Variants in DNA2 observed in about 807,000 individuals in gnomAD.
The protein encoded by DNA2 is DNA replication ATP-dependent helicase/nuclease DNA2.
DNA2 carries 101 observed loss-of-function variants against 119.1 expected under a neutral mutation model. The ratio of observed to expected loss-of-function variants is 0.85; its 90% CI spans 0.72 to 1.00. The LOEUF is 1.00. DNA2 is among the 50% of genes least tolerant of loss of function. The pLI is 0.00. For synonymous variants in DNA2, 366 were observed against 424.4 expected (o/e 0.86, Z 1.69); for missense variants, 1,121 against 1,255.5 (o/e 0.89, Z 1.62).
intron 14 of DNA2, among the ~76,000 whole-genome samples, chr10:68,427,743 A>C (rs562732213): frequency 1.9e-4 from 29 of 151,914 alleles, no homozygotes; most frequent in African/African-American, 7.0e-4. Flanking sequence ...TAAAATTAAA[A>C]ATAGTATCAG....
At chr10:68,422,917 A>C in intron 14 of DNA2, 27 bp from the exon 15 acceptor site, 2 of 1,462,004 alleles carry the variant, frequency 1.4e-6, no homozygotes, top group East Asian at 4.6e-5. Context: ...CAGATCAGTT[A>C]TTTAACATGT....
At chr10:68,453,632 A>C (rs2052147770) in intron 5 of DNA2, among the ~76,000 whole-genome samples, 1 of 152,202 alleles carries the variant, frequency 6.6e-6, no homozygotes, top group Admixed American at 6.6e-5. Context: ...TATTGTGGTA[A>C]TACAACACAC....
chr10:68,457,971 G>C (rs1240937780), intron 5 of DNA2, among the ~76,000 whole-genome samples: 5 of 151,730 alleles, frequency 3.3e-5, no homozygotes, highest in African/African-American at 4.8e-5. Flanking sequence ...TCAGGAGTTC[G>C]AGACCAGCCT....
At chr10:68,434,796 A>G (rs931246586) in intron 10 of DNA2, among the ~76,000 whole-genome samples, 1 of 152,256 alleles carries the variant, frequency 6.6e-6, no homozygotes, top group Non-Finnish European at 1.5e-5. Flanking sequence ...GTGGATCACC[A>G]TCCCATGTCA....
At chr10:68,457,488 C>T (rs983038645) in intron 5 of DNA2, among the ~76,000 whole-genome samples, 7 of 152,160 alleles carry the variant, frequency 4.6e-5, no homozygotes, top group Non-Finnish European at 1.0e-4. Context: ...TACCTATTCT[C>T]CCTTTCTTCT....
intron 10 of DNA2, 115 bp downstream of exon 10, chr10:68,436,896 A>C: frequency 1.3e-6 from 1 of 793,752 alleles, no homozygotes; most frequent in South Asian, 1.8e-5. Flanking sequence ...TGATAGCTGC[A>C]CAACGCTGTG....
chr10:68,418,263 A>G (rs755161253), intron 19 of DNA2, among the ~76,000 whole-genome samples: 3 of 152,038 alleles, frequency 2.0e-5, no homozygotes, highest in Admixed American at 1.3e-4. Flanking sequence ...AAGTACAAAA[A>G]TTAGCCGGGC....
At chr10:68,464,947 G>A (rs558413739) in intron 4 of DNA2, among the ~76,000 whole-genome samples, 6 of 149,544 alleles carry the variant, frequency 4.0e-5, no homozygotes, top group South Asian at 2.1e-4. Flanking sequence ...GAGCCCAGTC[G>A]TTTGAGTACA....
chr10:68,421,940 G>A lies in DNA2; in HGVS notation c.2697+285C>T, dbSNP rs373287514. ...AGCAATTCTCATGCCTCAGCCTCCT[G>A]AGTAGCTGGGATTACAGGCACCCAC... On this transcript the variant is annotated intron_variant, in intron 17 of 20. Transcript: ENST00000358410. Among the ~76,000 whole-genome samples, 5 of 151,882 alleles carry A rather than the reference G, an allele frequency of 3.3e-5. No homozygotes were observed. The East Asian group carries it at 5.9e-4, about 18-fold the overall frequency.
chr10:68,457,264 T>C (rs1455456024), intron 5 of DNA2, among the ~76,000 whole-genome samples: 2 of 152,186 alleles, frequency 1.3e-5, no homozygotes, highest in Non-Finnish European at 2.9e-5. Context: ...CTACTGCACT[T>C]TGCTCTAGCC....
intron 14 of DNA2, among the ~76,000 whole-genome samples, chr10:68,429,459 G>T (rs921278295): frequency 6.6e-6 from 1 of 150,634 alleles, no homozygotes; most frequent in African/African-American, 2.4e-5. Flanking sequence ...CAGGAGAATC[G>T]CTTGAATCCG....
At chr10:68,464,658 C>T (rs554001813) in intron 4 of DNA2, among the ~76,000 whole-genome samples, 2 of 151,332 alleles carry the variant, frequency 1.3e-5, no homozygotes, top group African/African-American at 2.4e-5. Flanking sequence ...GGAGAAACCC[C>T]GTCTCTACTA....
intron 4 of DNA2, among the ~76,000 whole-genome samples, chr10:68,462,427 G>A (rs905933111): frequency 1.3e-5 from 2 of 152,148 alleles, no homozygotes; most frequent in African/African-American, 4.8e-5. Context: ...TAATAAACAT[G>A]TTTTACTTTC....
At chr10:68,464,664 T>C (rs1045256357) in intron 4 of DNA2, among the ~76,000 whole-genome samples, 5 of 150,620 alleles carry the variant, frequency 3.3e-5, no homozygotes, top group African/African-American at 7.3e-5. Flanking sequence ...ACCCCGTCTC[T>C]ACTAAAAATA....
At chr10:68,454,014 T>C (rs1015476397) in intron 5 of DNA2, among the ~76,000 whole-genome samples, 3 of 152,234 alleles carry the variant, frequency 2.0e-5, no homozygotes, top group Admixed American at 1.3e-4. Context: ...CCTTAGCATC[T>C]GTGATGCCCT....
At chr10:68,440,294 TTTTATTTA>T (rs966780224) in intron 9 of DNA2, among the ~76,000 whole-genome samples, 1 of 152,006 alleles carries the variant, frequency 6.6e-6, no homozygotes, top group Non-Finnish European at 1.5e-5. Context: ...CTTTTTTATT[TTTTATTTA>T]TTTATTTATT....
intron 13 of DNA2, among the ~76,000 whole-genome samples, chr10:68,431,638 C>T (rs974863533): frequency 6.6e-6 from 1 of 152,184 alleles, no homozygotes; most frequent in Non-Finnish European, 1.5e-5. Flanking sequence ...ATATCACATA[C>T]CACTAACGGA....
chr10:68,427,952 GA>G, intron 14 of DNA2, among the ~76,000 whole-genome samples: 1 of 151,392 alleles, frequency 6.6e-6, no homozygotes, highest in African/African-American at 2.4e-5. Context: ...AGAATTGCTT[GA>G]ACCTGGGAGG....
chr10:68,419,169 C>G lies in DNA2; in HGVS notation c.2832G>C (p.Arg944Ser). The G allele has an allele frequency of 6.2e-7, 1 of 1,612,022 alleles. No individual in the cohort carries two copies. The highest frequency in any genetic ancestry group is 8.5e-7 in the Non-Finnish European group (1 of 1,179,162). ...PSDIGIIAPY[R>S]QQLKIINDLL... ...AATCATTGATGATCTTTAATTGCTGCCTGTACGGTGCAATAATACCAATAT... is the reference window on the plus strand; with the variant it reads ...AATCATTGATGATCTTTAATTGCTGGCTGTACGGTGCAATAATACCAATAT... The change falls in exon 19 of 21, where the codon AGG becomes AGC. Residue 944 changes from arginine to serine, a missense_variant. By Grantham distance (110) the Arg-to-Ser change is moderately radical. Transcript: ENST00000358410.
Sources: gnomAD v4.1 joint callset for allele counts (sites outside exome capture counted in the v4.1 genomes callset) on GRCh38, gnomAD v4.1.1 for gene constraint, MANE v1.5 for transcripts, NCBI Gene and HGNC (gene_info 2026-07-23, HGNC 2026-07-21) for gene names.